The following BLTP3A variants were observed in gnomAD, a reference collection of about 807,000 sequenced individuals.
BLTP3A encodes the protein ICBP90 binding protein 1.
At chr6:34,797,309 A>C in the BLTP3A span, among the ~76,000 whole-genome samples, 1 of 152,168 alleles carries the variant, frequency 6.6e-6, no homozygotes, top group Non-Finnish European at 1.5e-5. Context: ...TATTTTGAAA[A>C]CATGTTAGAT....
chr6:34,813,730 C>A, the BLTP3A span, among the ~76,000 whole-genome samples: 1 of 152,168 alleles, frequency 6.6e-6, no homozygotes, highest in Non-Finnish European at 1.5e-5. Context: ...CATAATTCTT[C>A]TCAAGAATTC....
At chr6:34,875,544 A>G in the BLTP3A span, 3 of 152,074 alleles carry the variant, frequency 2.0e-5, no homozygotes, top group Non-Finnish European at 4.4e-5. Flanking sequence ...GTGGGAGTAA[A>G]AACATATCCA....
the BLTP3A span, among the ~76,000 whole-genome samples, chr6:34,799,549 A>G: frequency 6.6e-6 from 1 of 152,188 alleles, no homozygotes; most frequent in African/African-American, 2.4e-5. Context: ...TGTAGTATGT[A>G]TTTGACATTC....
At chr6:34,837,267 C>T in the BLTP3A span, among the ~76,000 whole-genome samples, 1 of 152,166 alleles carries the variant, frequency 6.6e-6, no homozygotes, top group East Asian at 1.9e-4. Flanking sequence ...ACTGGCCAGG[C>T]ACAGTGGCTC....
At chr6:34,853,239 A>T in the BLTP3A span, among the ~76,000 whole-genome samples, 1 of 152,024 alleles carries the variant, frequency 6.6e-6, no homozygotes, top group African/African-American at 2.4e-5. Flanking sequence ...GAGTGCAGTT[A>T]TGTGATCACG....
chr6:34,820,015 T>TG, the BLTP3A span, among the ~76,000 whole-genome samples: 1 of 152,180 alleles, frequency 6.6e-6, no homozygotes, highest in Admixed American at 6.5e-5. Context: ...AGACTACAGG[T>TG]GACTGGTTGT....
chr6:34,817,138 T>C, the BLTP3A span, among the ~76,000 whole-genome samples: 1 of 152,218 alleles, frequency 6.6e-6, no homozygotes, highest in Non-Finnish European at 1.5e-5. Context: ...CTTTACTTCC[T>C]TTTGTTGTTG....
At chr6:34,826,026 A>ATTCTTTTTTTTTTTTTTT in the BLTP3A span, among the ~76,000 whole-genome samples, 1 of 76,648 alleles carries the variant, frequency 1.3e-5, no homozygotes, top group Non-Finnish European at 2.4e-5. Context: ...TACATTTTGC[A>ATTCTTTTTTTTTTTTTTT]TTTTTTTTTT....
At chr6:34,832,491 A>T in the BLTP3A span, among the ~76,000 whole-genome samples, 131 of 149,660 alleles carry the variant, frequency 8.8e-4, no homozygotes, top group Middle Eastern at 6.9e-3. Flanking sequence ...GCTTGAGTGC[A>T]GTGGCGCAAT....
the BLTP3A span, chr6:34,834,772 G>A: frequency 8.1e-6 from 13 of 1,614,190 alleles, no homozygotes; most frequent in Non-Finnish European, 1.1e-5. Flanking sequence ...TGAGGCAGAT[G>A]CTACAGACAA....
the BLTP3A span, among the ~76,000 whole-genome samples, chr6:34,851,978 TGTG>T: frequency 1.1e-4 from 16 of 152,018 alleles, no homozygotes; most frequent in Non-Finnish European, 2.1e-4. Flanking sequence ...TCAGTCAGCT[TGTG>T]GTGAATGCTC....
chr6:34,825,536 AC>A, the BLTP3A span, among the ~76,000 whole-genome samples: 2 of 152,000 alleles, frequency 1.3e-5, no homozygotes, highest in Non-Finnish European at 2.9e-5. Context: ...TGAACTCCTG[AC>A]CTTAGGTGAT....
chr6:34,858,579 G>A, the BLTP3A span: 10 of 1,614,198 alleles, frequency 6.2e-6, no homozygotes, highest in South Asian at 1.1e-4. Context: ...AGGCACGGAA[G>A]CTTCTTTTGG....
At chr6:34,792,142 TG>T in the BLTP3A span, 1 of 923,300 alleles carries the variant, frequency 1.1e-6, no homozygotes, top group Non-Finnish European at 1.4e-6. Flanking sequence ...CGGCGGCGGC[TG>T]TGTCCGGTGC....
the BLTP3A span, chr6:34,857,933 G>A: frequency 2.5e-6 from 4 of 1,607,198 alleles, no homozygotes; most frequent in Non-Finnish European, 3.4e-6. Flanking sequence ...GGGAGAGTGT[G>A]ACTTTTATCC....
At chr6:34,870,913 C>G in the BLTP3A span, 1 of 1,614,214 alleles carries the variant, frequency 6.2e-7, no homozygotes, top group South Asian at 1.1e-5. Context: ...AGCTGTGGGC[C>G]TTCGCTTTGA....
At chr6:34,867,176 G>T in the BLTP3A span, 2 of 1,549,056 alleles carry the variant, frequency 1.3e-6, no homozygotes, top group South Asian at 2.5e-5. Context: ...GGTTGGATTT[G>T]AACAGAATAT....
At chr6:34,802,497 G>A in the BLTP3A span, among the ~76,000 whole-genome samples, 1 of 152,040 alleles carries the variant, frequency 6.6e-6, no homozygotes, top group Non-Finnish European at 1.5e-5. Context: ...AGCCTCCCAA[G>A]TAGCTGGGAT....
At chr6:34,821,606 A>G in the BLTP3A span, 1 of 1,532,944 alleles carries the variant, frequency 6.5e-7, no homozygotes, top group Non-Finnish European at 8.8e-7. Context: ...ATACCCAATT[A>G]GCAGATTCCC....
Sources: gnomAD v4.1 joint callset for allele counts (sites outside exome capture counted in the v4.1 genomes callset) on GRCh38, gnomAD v4.1.1 for gene constraint, MANE v1.5 for transcripts, NCBI Gene and HGNC (gene_info 2026-07-23, HGNC 2026-07-21) for gene names.